The following MDGA2 variants were observed in gnomAD, a reference collection of about 807,000 sequenced individuals.
The protein encoded by MDGA2 is MAM domain-containing glycosylphosphatidylinositol anchor protein 2.
MDGA2 carries 40 observed loss-of-function variants against 117.8 expected under a neutral mutation model. That is an observed-to-expected ratio of 0.34 (90% CI 0.26 to 0.44). The LOEUF is 0.44. Among genes scored for constraint, MDGA2 ranks in the 20% least tolerant of loss-of-function variants. MDGA2 has a pLI of 1.00. For missense variants in MDGA2, 1,123 were observed against 1,250.6 expected (o/e 0.90, Z 1.54); for synonymous variants, 452 against 439.0 (o/e 1.03, Z -0.37).
chr14:47,557,697 T>C (rs34948409), intron 1 of MDGA2, among the ~76,000 whole-genome samples: 28,896 of 152,218 alleles, frequency 0.19, 3,418 homozygotes, highest in East Asian at 0.53. Context: ...ACCTGCTATA[T>C]GGCATCATGT....
chr14:47,118,142 G>A (rs550916554), intron 5 of MDGA2, among the ~76,000 whole-genome samples: 4 of 152,218 alleles, frequency 2.6e-5, no homozygotes, highest in African/African-American at 9.6e-5. Flanking sequence ...GCTTAGTATT[G>A]TTATCACAGA....
chr14:47,474,924 G>A (rs1039807182), intron 1 of MDGA2, among the ~76,000 whole-genome samples: 1 of 152,052 alleles, frequency 6.6e-6, no homozygotes, highest in African/African-American at 2.4e-5. Context: ...AGGCGTGGGT[G>A]AAGATTTCAT....
rs185993014 is a variant in MDGA2, at chr14:47,206,653, G to A, written c.595+11368C>T. On this transcript the variant is annotated intron_variant, in intron 3 of 16. Transcript: ENST00000399232. ...ACCTGTAATCCCAGCACATTAGGACGTGGAAGCTGGAGGATTGCTTGAGGC... is the reference window on the plus strand; with the variant it reads ...ACCTGTAATCCCAGCACATTAGGACATGGAAGCTGGAGGATTGCTTGAGGC... Among the ~76,000 whole-genome samples the A allele has an allele frequency of 2.4e-4, 37 of 152,118 alleles. No individual in the cohort carries two copies. In the East Asian group the frequency reaches 5.6e-3, roughly 23 times the overall value.
At chr14:47,153,432 G>A (rs1038850370) in intron 3 of MDGA2, among the ~76,000 whole-genome samples, 2 of 152,134 alleles carry the variant, frequency 1.3e-5, no homozygotes, top group Non-Finnish European at 2.9e-5. Flanking sequence ...AACATGAAAC[G>A]TAAAGAGAGA....
chr14:47,431,551 A>G (rs943393299), intron 1 of MDGA2, among the ~76,000 whole-genome samples: 11 of 152,210 alleles, frequency 7.2e-5, no homozygotes, highest in Admixed American at 2.0e-4. Flanking sequence ...GAACACTTAC[A>G]AGAGGTAAAT....
chr14:47,621,893 T>C (rs144785764), intron 1 of MDGA2, among the ~76,000 whole-genome samples: 7 of 152,348 alleles, frequency 4.6e-5, no homozygotes, highest in Admixed American at 4.6e-4. Flanking sequence ...TCTGGGATTA[T>C]GTCACCAGAG....
At chr14:47,196,802 A>G (rs1885304076) in intron 3 of MDGA2, among the ~76,000 whole-genome samples, 3 of 152,204 alleles carry the variant, frequency 2.0e-5, no homozygotes, top group Admixed American at 1.3e-4. Context: ...TAGCCTTTCA[A>G]TGCACACCCT....
intron 1 of MDGA2, among the ~76,000 whole-genome samples, chr14:47,415,458 G>A (rs1472168755): frequency 6.6e-6 from 1 of 151,888 alleles, no homozygotes; most frequent in Non-Finnish European, 1.5e-5. Flanking sequence ...ATTTAGAGAG[G>A]GAGAGATCAC....
chr14:47,570,350 G>T (rs1895996469), intron 1 of MDGA2, among the ~76,000 whole-genome samples: 1 of 152,050 alleles, frequency 6.6e-6, no homozygotes, highest in Non-Finnish European at 1.5e-5. Flanking sequence ...AACCAAAGCT[G>T]CTACTATCAT....
At chr14:47,160,595 G>T (rs913532304) in intron 3 of MDGA2, among the ~76,000 whole-genome samples, 3 of 152,104 alleles carry the variant, frequency 2.0e-5, no homozygotes, top group Admixed American at 2.0e-4. Context: ...AGGAGGTTGA[G>T]GCTGCAGTTG....
intron 1 of MDGA2, among the ~76,000 whole-genome samples, chr14:47,542,243 C>A (rs901239456): frequency 6.6e-6 from 1 of 152,138 alleles, no homozygotes; most frequent in Admixed American, 6.5e-5. Context: ...CATGATTCTG[C>A]GACTACATGG....
At chr14:47,174,066 G>C (rs2139336582) in intron 3 of MDGA2, among the ~76,000 whole-genome samples, 1 of 152,188 alleles carries the variant, frequency 6.6e-6, no homozygotes, top group Admixed American at 6.5e-5. Context: ...ATTACATAAT[G>C]GTAAAGGGAT....
intron 1 of MDGA2, among the ~76,000 whole-genome samples, chr14:47,511,315 GA>G (rs1030599640): frequency 8.6e-5 from 13 of 151,770 alleles, no homozygotes; most frequent in African/African-American, 2.2e-4. Flanking sequence ...TATGTTTATA[GA>G]AAAAAACATA....
intron 10 of MDGA2, among the ~76,000 whole-genome samples, chr14:46,906,258 T>C (rs1261968494): frequency 6.6e-6 from 1 of 151,712 alleles, no homozygotes; most frequent in African/African-American, 2.4e-5. Context: ...TTAAGCTTAC[T>C]TTTCTTAAAA....
intron 1 of MDGA2, among the ~76,000 whole-genome samples, chr14:47,413,152 T>C (rs2416070): frequency 0.78 from 117,998 of 152,102 alleles, 45,984 homozygotes; most frequent in Middle Eastern, 0.85. Context: ...TGGCCTATCA[T>C]TATTAAATAT....
intron 7 of MDGA2, among the ~76,000 whole-genome samples, chr14:47,045,519 T>A (rs937097581): frequency 2.6e-5 from 4 of 151,252 alleles, no homozygotes; most frequent in African/African-American, 9.8e-5. Context: ...TGTGGAAAAC[T>A]TTTTTTTTCT....
At chr14:47,199,873 T>G (rs1885425817) in intron 3 of MDGA2, among the ~76,000 whole-genome samples, 1 of 152,122 alleles carries the variant, frequency 6.6e-6, no homozygotes, top group Non-Finnish European at 1.5e-5. Flanking sequence ...AGTTTTGGCT[T>G]AAATGGCTGA....
intron 2 of MDGA2, among the ~76,000 whole-genome samples, chr14:47,263,337 A>G (rs536548973): frequency 6.6e-6 from 1 of 152,216 alleles, no homozygotes; most frequent in African/African-American, 2.4e-5. Flanking sequence ...TCCATCCCCA[A>G]AAGCCTTATG....
At chr14:47,018,442 T>C (rs1037940530) in intron 8 of MDGA2, among the ~76,000 whole-genome samples, 1 of 152,096 alleles carries the variant, frequency 6.6e-6, no homozygotes, top group African/African-American at 2.4e-5. Context: ...TATCTCTTTC[T>C]TTTACTTCCC....
Sources: gnomAD v4.1 joint callset for allele counts (sites outside exome capture counted in the v4.1 genomes callset) on GRCh38, gnomAD v4.1.1 for gene constraint, MANE v1.5 for transcripts, NCBI Gene and HGNC (gene_info 2026-07-23, HGNC 2026-07-21) for gene names.